Variants in CEP128 observed in about 807,000 individuals in gnomAD.
CEP128 encodes centrosomal protein 128.
A neutral mutation model predicts 156.7 loss-of-function variants in CEP128; 132 were observed. The ratio of observed to expected loss-of-function variants is 0.84; its 90% CI spans 0.73 to 0.97. The LOEUF (loss-of-function observed/expected upper bound fraction) is 0.97. Among genes scored for constraint, CEP128 ranks in the 50% least tolerant of loss-of-function variants. The pLI is 0.00. For synonymous variants in CEP128, 469 were observed against 448.9 expected, an observed-to-expected ratio of 1.04 and a Z score of -0.57; for missense variants, 1,252 against 1,281.9, an observed-to-expected ratio of 0.98 and a Z score of 0.36.
rs549242988 is a variant in CEP128, at chr14:80,792,223, G to A, written c.1560+537C>T. On this transcript the variant is annotated intron_variant, in intron 14 of 24. Transcript: ENST00000555265. ...AAGGGCATAAAAGCAAAGTCTTGAAGAGGGTTGTGATCCCATAACACTGCT... is the reference window on the plus strand; with the variant it reads ...AAGGGCATAAAAGCAAAGTCTTGAAAAGGGTTGTGATCCCATAACACTGCT... Among the ~76,000 whole-genome samples the A allele has an allele frequency of 2.0e-5, 3 of 152,348 alleles. No homozygotes were observed. The South Asian group carries it at 6.2e-4, about 32-fold the overall frequency.
At chr14:80,925,286 C>T (rs1245656856) in intron 2 of CEP128, among the ~76,000 whole-genome samples, 1 of 149,242 alleles carries the variant, frequency 6.7e-6, no homozygotes, top group African/African-American at 2.5e-5. Context: ...CAAAGAAAAC[C>T]CCGCAAGAAC....
intron 20 of CEP128, among the ~76,000 whole-genome samples, chr14:80,560,766 C>G (rs923994383): frequency 2.0e-5 from 3 of 152,164 alleles, no homozygotes; most frequent in Non-Finnish European, 4.4e-5. Flanking sequence ...TGCTTCCTGC[C>G]GTTGAACACT....
At chr14:80,560,786 G>A (rs922829412) in intron 20 of CEP128, among the ~76,000 whole-genome samples, 3 of 152,140 alleles carry the variant, frequency 2.0e-5, no homozygotes, top group South Asian at 2.1e-4. Flanking sequence ...TGTACGCCAC[G>A]TTCTTCAGTT....
chr14:80,734,428 C>T (rs1325590196), intron 19 of CEP128, among the ~76,000 whole-genome samples: 1 of 151,884 alleles, frequency 6.6e-6, no homozygotes, highest in African/African-American at 2.4e-5. Flanking sequence ...AGAAATGACA[C>T]CCTGACTTTT....
chr14:80,554,500 C>A (rs1472226875), intron 21 of CEP128, among the ~76,000 whole-genome samples: 2 of 151,562 alleles, frequency 1.3e-5, no homozygotes, highest in East Asian at 3.9e-4. Flanking sequence ...GCTTGGTAGC[C>A]CTTTTCTGAT....
intron 19 of CEP128, among the ~76,000 whole-genome samples, chr14:80,669,591 A>G (rs935438286): frequency 6.6e-6 from 1 of 152,224 alleles, no homozygotes; most frequent in African/African-American, 2.4e-5. Flanking sequence ...TAATCAGAGA[A>G]TGCAAATTAA....
intron 19 of CEP128, among the ~76,000 whole-genome samples, chr14:80,673,870 C>T (rs572153490): frequency 2.4e-4 from 36 of 151,604 alleles, no homozygotes; most frequent in African/African-American, 7.3e-4. Flanking sequence ...TTCAAGAATA[C>T]GCTATCTTCA....
chr14:80,485,554 T>G (rs1031793073), downstream of CEP128, among the ~76,000 whole-genome samples: 2 of 151,604 alleles, frequency 1.3e-5, no homozygotes, highest in African/African-American at 4.9e-5. Context: ...AACATATAGG[T>G]CTAGCTAACC....
At chr14:80,906,187 C>A in intron 4 of CEP128, 106 bp from the exon 5 acceptor site, 1 of 858,078 alleles carries the variant, frequency 1.2e-6, no homozygotes. Flanking sequence ...CTGGGTTCCC[C>A]CCAAAAAAAG....
chr14:80,681,462 G>A (rs1221873634), intron 19 of CEP128, among the ~76,000 whole-genome samples: 1 of 152,212 alleles, frequency 6.6e-6, no homozygotes, highest in Non-Finnish European at 1.5e-5. Flanking sequence ...CATGGTGAGT[G>A]ATATGGTTTG....
rs758464682 is a variant in CEP128 at position 80,785,484 on chromosome 14, T to G, written c.1622A>C (p.Asn541Thr). 3 of 1,613,572 alleles carry G rather than the reference T, an allele frequency of 1.9e-6. No individual in the cohort carries two copies. The highest frequency in any genetic ancestry group is 2.5e-6 in the Non-Finnish European group (3 of 1,179,778). ...GACATCATTCAATTCCTTTCGAAGA[T>G]TCTCTATTTGTTGTAATGCTGCATA... ...QLYAALQQIE[N>T]LRKELNDVLT... Residue 541 changes from asparagine (N) to threonine (T), a missense_variant, in exon 15 of 25, where the codon AAT (asparagine) becomes ACT (threonine). Coordinates refer to ENST00000555265, the MANE Select transcript of CEP128 (RefSeq NM_152446.5).
intron 18 of CEP128, among the ~76,000 whole-genome samples, chr14:80,746,673 TG>T (rs1483286229): frequency 4.6e-5 from 7 of 152,198 alleles, no homozygotes; most frequent in African/African-American, 1.7e-4. Context: ...GTTGTGACCT[TG>T]GCTTGGCAAT....
intron 21 of CEP128, among the ~76,000 whole-genome samples, chr14:80,557,892 ATT>A (rs1890503060): frequency 6.6e-6 from 1 of 152,030 alleles, no homozygotes; most frequent in Non-Finnish European, 1.5e-5. Context: ...TATTTTATGT[ATT>A]TTCTTAGCCT....
At chr14:80,524,173 C>A (rs566897507) in intron 23 of CEP128, among the ~76,000 whole-genome samples, 28 of 152,242 alleles carry the variant, frequency 1.8e-4, no homozygotes, top group African/African-American at 6.7e-4. Context: ...AACCCCACAC[C>A]CACAGGTACT....
chr14:80,668,547 T>C (rs1895717448), intron 19 of CEP128, among the ~76,000 whole-genome samples: 1 of 152,186 alleles, frequency 6.6e-6, no homozygotes, highest in Non-Finnish European at 1.5e-5. Flanking sequence ...ACATCAATTA[T>C]GTCACATGAA....
chr14:80,951,469 G>A (rs1250071200), intron 2 of CEP128, among the ~76,000 whole-genome samples: 2 of 152,058 alleles, frequency 1.3e-5, no homozygotes, highest in South Asian at 2.1e-4. Context: ...TAACTTAAAC[G>A]TACATGCTAT....
At position 80,957,712 on chromosome 14, in the gene CEP128, C is replaced by T. The variant is rs1273254598; in HGVS notation, c.-172+466G>A. On this transcript the variant is annotated intron_variant, in intron 2 of 7. Coordinates refer to the CEP128 transcript ENST00000555529. ...GGGTAATGGAGAATGAGCAATGGAA[C>T]AGGAGTCAGGAAACCAGCATTCTCT... is the stretch of plus-strand genomic sequence containing the variant. 4.6e-5 allele frequency: 7 copies of T among 152,272 alleles called. 1 individual carries two copies. The highest frequency in any genetic ancestry group is 1.4e-4 in the African/African-American group (6 of 41,550). The allele number at this position is 152,272 out of a possible 1,614,324, so 9.4% of individuals were successfully genotyped here. A position where few individuals can be genotyped will look rare whatever the true frequency, so the allele number is the denominator to read the frequency against.
intron 19 of CEP128, among the ~76,000 whole-genome samples, chr14:80,712,936 T>C (rs1337179139): frequency 1.3e-5 from 2 of 152,140 alleles, no homozygotes; most frequent in Non-Finnish European, 2.9e-5. Context: ...AACTCTAATC[T>C]GTAAAATACT....
chr14:80,867,410 T>C (rs892926377), intron 8 of CEP128, among the ~76,000 whole-genome samples: 1 of 152,160 alleles, frequency 6.6e-6, no homozygotes, highest in Admixed American at 6.5e-5. Context: ...TATATTGCAA[T>C]TGACCACACG....
Sources: gnomAD v4.1 joint callset for allele counts (sites outside exome capture counted in the v4.1 genomes callset) on GRCh38, gnomAD v4.1.1 for gene constraint, MANE v1.5 for transcripts, NCBI Gene and HGNC (gene_info 2026-07-23, HGNC 2026-07-21) for gene names.